NPHP4: variants seen among roughly 807,000 people sequenced by gnomAD.
The protein encoded by NPHP4 is nephrocystin-4.
Under a neutral mutation model 155.8 loss-of-function variants are expected in NPHP4, and 151 were observed. That is an observed-to-expected ratio of 0.97 (90% CI 0.85 to 1.11). NPHP4 has a LOEUF of 1.11. Among genes scored for constraint, NPHP4 ranks in the 50% least tolerant of loss-of-function variants. The pLI is 0.00. For synonymous variants in NPHP4, 845 were observed against 816.8 expected (o/e 1.03, Z -0.59); for missense variants, 1,956 against 1,925.7 (o/e 1.02, Z -0.29).
intron 23 of NPHP4, among the ~76,000 whole-genome samples, 182 bp downstream of exon 23, chr1:5,873,070 C>T (rs1410323200): frequency 1.3e-5 from 2 of 152,170 alleles, no homozygotes; most frequent in African/African-American, 4.8e-5. Flanking sequence ...GCTGTGCCAG[C>T]GCCCAGACGG....
intron 5 of NPHP4, among the ~76,000 whole-genome samples, chr1:5,962,492 C>T (rs1650516864): frequency 6.6e-6 from 1 of 152,184 alleles, no homozygotes; most frequent in Non-Finnish European, 1.5e-5. Context: ...CACCCTGGCC[C>T]GAGGCCTGCC....
chr1:5,965,761 T>C (rs1163352605), intron 5 of NPHP4, among the ~76,000 whole-genome samples: 2 of 152,128 alleles, frequency 1.3e-5, no homozygotes, highest in Admixed American at 6.5e-5. Flanking sequence ...TCGCTGCTGC[T>C]GCCCAGCGAT....
At chr1:5,972,715 T>C (rs1412167916) in intron 3 of NPHP4, among the ~76,000 whole-genome samples, 1 of 152,176 alleles carries the variant, frequency 6.6e-6, no homozygotes, top group African/African-American at 2.4e-5. Flanking sequence ...GGAGCTTATT[T>C]TTTTCTTGCA....
intron 16 of NPHP4, among the ~76,000 whole-genome samples, chr1:5,893,717 A>G (rs1644255833): frequency 6.6e-6 from 1 of 152,182 alleles, no homozygotes; most frequent in South Asian, 2.1e-4. Flanking sequence ...AGTCTTCTCT[A>G]AACTCCCCCG....
intron 9 of NPHP4, among the ~76,000 whole-genome samples, chr1:5,938,022 G>A (rs1646633196): frequency 1.3e-5 from 2 of 152,316 alleles, no homozygotes; most frequent in South Asian, 4.1e-4. Flanking sequence ...CTCCCACCCT[G>A]TGAAATGACC....
At chr1:5,866,209 G>A (rs553274775) in intron 26 of NPHP4, 164 bp downstream of exon 26, 41 of 678,798 alleles carry the variant, frequency 6.0e-5, no homozygotes, top group Non-Finnish European at 9.0e-5. Context: ...AGACCCCTGC[G>A]GGCCCTGAAC....
rs746945040 is a variant in NPHP4, at chr1:5,887,440, A to G, written c.2331T>C (p.Ala777=). 6.2e-7 allele frequency: 1 copy of G among 1,613,144 alleles called. No homozygotes were observed. Among genetic ancestry groups the G allele is most frequent in the East Asian group, 2.2e-5 (1 of 44,886 alleles). The part of the protein sequence containing the change: ...MKHLLRQGRP[A]VQASHELEVV... Reference sequence around the variant, plus strand: ...CCTCAAGCTCGTGGGAGGCCTGCACAGCCGGCCGGCCTTGGCGGAGGAGAT... The same window carrying G: ...CCTCAAGCTCGTGGGAGGCCTGCACGGCCGGCCGGCCTTGGCGGAGGAGAT... Residue 777 remains alanine (A), a synonymous_variant, in exon 18 of 30, where the codon GCT becomes GCC. Transcript: ENST00000378156.
Position 5,969,203 on chromosome 1 carries a change from C to A in NPHP4, c.336G>T (p.Val112=), listed in dbSNP as rs1369558957. 6.3e-7 allele frequency: 1 copy of A among 1,582,928 alleles called. No homozygotes were observed. Among genetic ancestry groups the A allele is most frequent in the South Asian group, 1.2e-5 (1 of 86,652 alleles). The change falls in exon 4 of 30, where the codon GTG becomes GTT. Residue 112 remains valine (V), a synonymous_variant. Transcript: ENST00000378156. ...CATCCCGTTTCTTGCCCTCAGCGACCACTTCCACCACAGCCACGATATGAG... is the reference window on the plus strand; with the variant it reads ...CATCCCGTTTCTTGCCCTCAGCGACAACTTCCACCACAGCCACGATATGAG... The part of the protein sequence containing the change: ...NHPHIVAVVE[V]VAEGKKRDGS...
chr1:5,930,279 A>T (rs907197367), intron 10 of NPHP4, among the ~76,000 whole-genome samples: 8 of 151,784 alleles, frequency 5.3e-5, no homozygotes, highest in African/African-American at 1.9e-4. Context: ...TTAATTTTTA[A>T]TCTATTGTTT....
At chr1:5,880,899 G>C (rs926078414) in intron 18 of NPHP4, 7 of 152,770 alleles carry the variant, frequency 4.6e-5, no homozygotes, top group African/African-American at 1.7e-4. Context: ...TTCCCCAAGG[G>C]GCGAGGCAGA....
intron 11 of NPHP4, among the ~76,000 whole-genome samples, chr1:5,925,805 C>T (rs779968325): frequency 2.6e-5 from 4 of 152,080 alleles, no homozygotes; most frequent in African/African-American, 7.2e-5. Context: ...TTAGTAGAGA[C>T]GGGGTTTCAC....
intron 10 of NPHP4, among the ~76,000 whole-genome samples, chr1:5,928,602 C>T (rs1442824712): frequency 6.6e-6 from 1 of 150,746 alleles, no homozygotes; most frequent in Non-Finnish European, 1.5e-5. Context: ...TAAGGCACTT[C>T]CAAACTTTAT....
At chr1:5,954,962 T>C (rs1648896879) in intron 6 of NPHP4, among the ~76,000 whole-genome samples, 1 of 152,054 alleles carries the variant, frequency 6.6e-6, no homozygotes, top group Non-Finnish European at 1.5e-5. Flanking sequence ...GGAGAAAATA[T>C]TTGTAAACTA....
At chr1:5,962,001 T>C (rs988894456) in intron 5 of NPHP4, 52 bp from the exon 6 acceptor site, 26 of 1,471,698 alleles carry the variant, frequency 1.8e-5, no homozygotes, top group Non-Finnish European at 2.3e-5. Context: ...CAAAGGTGCT[T>C]CCAGTCAAAC....
chr1:5,969,598 T>C (rs900979110), intron 3 of NPHP4, among the ~76,000 whole-genome samples: 3 of 152,152 alleles, frequency 2.0e-5, no homozygotes, highest in Non-Finnish European at 4.4e-5. Flanking sequence ...TAGAGCAGAA[T>C]GGGGCTAGAG....
intron 26 of NPHP4, chr1:5,865,741 C>T (rs489933): frequency 0.41 from 67,016 of 163,586 alleles, 13,859 homozygotes; most frequent in Middle Eastern, 0.43. Flanking sequence ...TGCTGCTTCA[C>T]AGTCAAATGG....
Position 5,863,951 on chromosome 1 carries a change from C to G in NPHP4, c.4079G>C (p.Arg1360Thr). ...GTGGTCGCTGTGCAGGTGGAATGTC[C>G]TCCGGGAGGGGTAGGGGTTGGTGTA... ...ITYTNPYPSRRTFHLHSDHPE... is the reference protein window; with the variant it reads ...ITYTNPYPSRTTFHLHSDHPE... Residue 1360 changes from arginine to threonine, a missense_variant, in exon 29 of 30, where the codon AGG (arginine) becomes ACG (threonine). Physicochemically the swap from Arg to Thr is moderately conservative, Grantham distance 71. Coordinates refer to ENST00000378156, the MANE Select transcript of NPHP4 (RefSeq NM_015102.5). 2 of 1,613,938 alleles carry G rather than the reference C, an allele frequency of 1.2e-6. No homozygotes were observed. The highest frequency in any genetic ancestry group is 1.7e-6 in the Non-Finnish European group (2 of 1,179,842).
At chr1:5,945,953 G>C (rs962429183) in intron 9 of NPHP4, among the ~76,000 whole-genome samples, 8 of 152,152 alleles carry the variant, frequency 5.3e-5, no homozygotes, top group Non-Finnish European at 1.2e-4. Context: ...CCACACTGTA[G>C]ACACCACCCA....
At chr1:5,868,884 A>G (rs1203441207) in intron 23 of NPHP4, among the ~76,000 whole-genome samples, 2 of 144,352 alleles carry the variant, frequency 1.4e-5, no homozygotes, top group Non-Finnish European at 3.0e-5. Flanking sequence ...CCCCACACGC[A>G]CACATATGCA....
Sources: gnomAD v4.1 joint callset for allele counts (sites outside exome capture counted in the v4.1 genomes callset) on GRCh38, gnomAD v4.1.1 for gene constraint, MANE v1.5 for transcripts, NCBI Gene and HGNC (gene_info 2026-07-23, HGNC 2026-07-21) for gene names.